The following UAP1 variants were observed in gnomAD, a reference collection of about 807,000 sequenced individuals.
UAP1 encodes the protein UDP-N-acetylglucosamine pyrophosphorylase 1.
UAP1 carries 25 observed loss-of-function variants against 58.5 expected under a neutral mutation model. That is an observed-to-expected ratio of 0.43 (90% CI 0.31 to 0.60). The LOEUF is 0.60. Ranked by LOEUF, UAP1 falls within the 20% of genes least tolerant of loss-of-function variation. The probability of loss-of-function intolerance (pLI) is 0.11; values close to 1 mark genes in which losing one functional copy is unlikely to be tolerated. For synonymous variants in UAP1, 208 were observed against 213.0 expected, an observed-to-expected ratio of 0.98 and a Z score of 0.21; for missense variants, 575 against 630.0, an observed-to-expected ratio of 0.91 and a Z score of 0.93.
chr1:162,592,799 G>A lies in UAP1; in HGVS notation c.1409+17G>A, dbSNP rs1266331177. The A allele has an allele frequency of 6.5e-7, 1 of 1,546,182 alleles. No homozygotes were observed. Among genetic ancestry groups the A allele is most frequent in the South Asian group, 1.2e-5 (1 of 83,964 alleles). On this transcript the variant is annotated intron_variant, in intron 9 of 10. Transcript: ENST00000271469. The stretch of plus-strand genomic sequence containing the variant: ...CAATCACAAGTAAATATACCAGCCT[G>A]CCTACAGTGCATGGTGATGGGGCTG...
At chr1:162,584,108 T>C (rs1310618246) in intron 5 of UAP1, among the ~76,000 whole-genome samples, 2 of 152,232 alleles carry the variant, frequency 1.3e-5, no homozygotes, top group Admixed American at 1.3e-4. Context: ...TAAACTGGTG[T>C]GCTAACTTTT....
intron 1 of UAP1, among the ~76,000 whole-genome samples, chr1:162,564,745 G>C (rs143101836): frequency 2.0e-5 from 3 of 152,194 alleles, no homozygotes; most frequent in East Asian, 1.9e-4. Flanking sequence ...AATTCTTTTG[G>C]TTAGTTTTCA....
At chr1:162,571,403 AC>A (rs1169616752) in intron 2 of UAP1, among the ~76,000 whole-genome samples, 1 of 152,110 alleles carries the variant, frequency 6.6e-6, no homozygotes, top group Non-Finnish European at 1.5e-5. Flanking sequence ...TGCTGGAATT[AC>A]AGGTGTGAGC....
chr1:162,562,937 A>G (rs1338895744), intron 1 of UAP1, among the ~76,000 whole-genome samples: 1 of 152,202 alleles, frequency 6.6e-6, no homozygotes, highest in African/African-American at 2.4e-5. Context: ...TTTCTTTAAT[A>G]CTGGTATTTA....
At chr1:162,574,569 G>GCC (rs912589681) in intron 2 of UAP1, among the ~76,000 whole-genome samples, 3 of 152,182 alleles carry the variant, frequency 2.0e-5, no homozygotes, top group African/African-American at 7.2e-5. Context: ...TATAATTGTG[G>GCC]CCAGTGGCCA....
intron 10 of UAP1, among the ~76,000 whole-genome samples, 197 bp from the exon 11 acceptor site, chr1:162,599,074 T>C (rs960107064): frequency 3.9e-5 from 6 of 152,200 alleles, no homozygotes; most frequent in Non-Finnish European, 8.8e-5. Flanking sequence ...TAATTTTCTT[T>C]TTATATTTTT....
chr1:162,561,665 C>G (rs950611089), exon 1 of UAP1: 1 of 152,394 alleles, frequency 6.6e-6, no homozygotes, highest in Non-Finnish European at 1.5e-5. Context: ...CGGCCCGCCC[C>G]GCCGCCGCGG....
intron 5 of UAP1, among the ~76,000 whole-genome samples, chr1:162,585,175 C>G (rs879693366): frequency 3.9e-5 from 6 of 152,156 alleles, no homozygotes; most frequent in Admixed American, 2.6e-4. Context: ...TAGGTGTAAG[C>G]TACTGTGCCT....
At chr1:162,565,920 C>T (rs1653459177) in intron 1 of UAP1, 92 bp from the exon 2 acceptor site, 4 of 781,626 alleles carry the variant, frequency 5.1e-6, no homozygotes, top group East Asian at 2.7e-5. Flanking sequence ...TTTTTAACAT[C>T]GTTTTGAAAT....
exon 1 of UAP1, chr1:162,561,594 C>T (rs1018973834): frequency 2.6e-5 from 4 of 151,996 alleles, no homozygotes; most frequent in Non-Finnish European, 5.9e-5. Context: ...CGTCGGCAGC[C>T]ACTAGTCGTG....
intron 8 of UAP1, among the ~76,000 whole-genome samples, chr1:162,591,287 T>A (rs1383759995): frequency 6.6e-6 from 1 of 152,150 alleles, no homozygotes; most frequent in Non-Finnish European, 1.5e-5. Context: ...ACCCCCAGGC[T>A]ACCTACAAAT....
intron 2 of UAP1, among the ~76,000 whole-genome samples, chr1:162,573,581 T>C (rs942019843): frequency 6.6e-6 from 1 of 152,184 alleles, no homozygotes; most frequent in Non-Finnish European, 1.5e-5. Context: ...AGAAAGAAGA[T>C]TTAACTCTCA....
intron 9 of UAP1, chr1:162,597,376 T>TAGTA (rs1655676458): frequency 6.4e-6 from 1 of 156,918 alleles, no homozygotes; most frequent in African/African-American, 2.4e-5. Flanking sequence ...TCAACATTAA[T>TAGTA]AGTACCAAGG....
At chr1:162,580,130 GT>G (rs1654493910) in intron 4 of UAP1, among the ~76,000 whole-genome samples, 1 of 152,132 alleles carries the variant, frequency 6.6e-6, no homozygotes, top group African/African-American at 2.4e-5. Context: ...GCCTCCCAAA[GT>G]GCTGGAATTA....
At chr1:162,599,306 T>C in exon 11 of UAP1, 1 of 1,612,834 alleles carries the variant, frequency 6.2e-7, no homozygotes. Context: ...AAGAATTCCA[T>C]GCACCTCTAA....
exon 7 of UAP1, chr1:162,588,765 A>G (rs1383785295): frequency 6.2e-7 from 1 of 1,612,592 alleles, no homozygotes. Context: ...AAGGACAGTT[A>G]ATTAAGCCAG....
chr1:162,571,267 T>A (rs1653847250), intron 2 of UAP1, among the ~76,000 whole-genome samples: 1 of 151,954 alleles, frequency 6.6e-6, no homozygotes, highest in African/African-American at 2.4e-5. Context: ...TAGCTGAGAT[T>A]ATAGGCGCCT....
At chr1:162,598,888 C>A (rs1041753964) in intron 10 of UAP1, among the ~76,000 whole-genome samples, 2 of 151,806 alleles carry the variant, frequency 1.3e-5, no homozygotes, top group African/African-American at 4.8e-5. Flanking sequence ...TGATGGCAGG[C>A]GCCTGTAGTT....
chr1:162,585,784 T>TAA (rs11297669), intron 5 of UAP1, among the ~76,000 whole-genome samples: 1 of 148,176 alleles, frequency 6.7e-6, no homozygotes, highest in African/African-American at 2.5e-5. Context: ...CTGTGTGCGT[T>TAA]AAAAAAAAAA....
Sources: allele counts gnomAD v4.1 joint callset (sites outside exome capture counted in the v4.1 genomes callset), GRCh38; gene constraint gnomAD v4.1.1; transcripts MANE v1.5; gene names NCBI Gene and HGNC (gene_info 2026-07-23, HGNC 2026-07-21).